The following SLC20A2 variants were observed in gnomAD, a reference collection of about 807,000 sequenced individuals.
SLC20A2 encodes sodium-dependent phosphate transporter 2.
SLC20A2 carries 30 observed loss-of-function variants against 61.0 expected under a neutral mutation model. The ratio of observed to expected loss-of-function variants is 0.49; its 90% CI spans 0.37 to 0.67. SLC20A2 has a LOEUF of 0.67. Among genes scored for constraint, SLC20A2 ranks in the 30% least tolerant of loss-of-function variants. SLC20A2 has a pLI of 0.00. For missense variants in SLC20A2, 626 were observed against 866.4 expected (o/e 0.72, Z 3.48); for synonymous variants, 351 against 353.3 (o/e 0.99, Z 0.07).
chr8:42,436,689 G>A (rs1804285733), intron 8 of SLC20A2, among the ~76,000 whole-genome samples: 1 of 152,206 alleles, frequency 6.6e-6, no homozygotes, highest in Admixed American at 6.5e-5. Flanking sequence ...CTGCCGTCCT[G>A]CTGACGCCAC....
intron 1 of SLC20A2, among the ~76,000 whole-genome samples, chr8:42,533,633 T>C (rs13259980): frequency 3.8e-4 from 57 of 149,314 alleles, no homozygotes; most frequent in Non-Finnish European, 7.0e-4. Context: ...TGCACATTAA[T>C]GGCCTTAATG....
intron 1 of SLC20A2, among the ~76,000 whole-genome samples, chr8:42,522,911 G>T (rs952505512): frequency 4.0e-5 from 6 of 148,676 alleles, no homozygotes; most frequent in Non-Finnish European, 5.9e-5. Context: ...TGGCGGGGTG[G>T]GGGGGGTCTC....
At chr8:42,439,764 C>T (rs1177374868) in intron 6 of SLC20A2, 111 bp from the exon 7 acceptor site, 2 of 728,012 alleles carry the variant, frequency 2.7e-6, no homozygotes, top group African/African-American at 1.9e-5. Flanking sequence ...ATTTTGGAAA[C>T]AAAAAAAAAA....
intron 1 of SLC20A2, among the ~76,000 whole-genome samples, chr8:42,497,832 ACT>A (rs1395041869): frequency 6.6e-6 from 1 of 151,328 alleles, no homozygotes; most frequent in Non-Finnish European, 1.5e-5. Flanking sequence ...GGACTCACAG[ACT>A]CACAGAACCA....
At chr8:42,468,335 TGGA>T (rs1244711400) in intron 2 of SLC20A2, among the ~76,000 whole-genome samples, 2 of 152,084 alleles carry the variant, frequency 1.3e-5, no homozygotes, top group East Asian at 1.9e-4. Flanking sequence ...AAATACATCC[TGGA>T]GGAGGAGAGT....
At chr8:42,449,266 C>T (rs1487275050) in intron 5 of SLC20A2, among the ~76,000 whole-genome samples, 1 of 152,102 alleles carries the variant, frequency 6.6e-6, no homozygotes, top group Admixed American at 6.5e-5. Flanking sequence ...GGAACCCGCG[C>T]AAGGAGCTCT....
At chr8:42,462,105 C>A (rs766942868) in intron 4 of SLC20A2, among the ~76,000 whole-genome samples, 1 of 151,952 alleles carries the variant, frequency 6.6e-6, no homozygotes, top group South Asian at 2.1e-4. Flanking sequence ...GAGCAGCTTC[C>A]TAGGAAGTGA....
chr8:42,541,618 C>G (rs1263945046), intron 1 of SLC20A2: 3 of 149,776 alleles, frequency 2.0e-5, no homozygotes, highest in African/African-American at 7.3e-5. Context: ...GCTCGGTAAC[C>G]GTTTCCCGCG....
At chr8:42,429,932 C>T in intron 9 of SLC20A2, 132 bp downstream of exon 9, 2 of 684,430 alleles carry the variant, frequency 2.9e-6, no homozygotes, top group East Asian at 6.0e-5. Flanking sequence ...CCATTCTTGC[C>T]CACTGTCTCC....
At chr8:42,442,586 G>A (rs1218436264) in intron 6 of SLC20A2, among the ~76,000 whole-genome samples, 1 of 152,140 alleles carries the variant, frequency 6.6e-6, no homozygotes, top group Non-Finnish European at 1.5e-5. Flanking sequence ...CTTCCACACT[G>A]CCTTGTGGCT....
chr8:42,473,495 C>T (rs1414098358), intron 1 of SLC20A2, among the ~76,000 whole-genome samples: 1 of 152,182 alleles, frequency 6.6e-6, no homozygotes, highest in Non-Finnish European at 1.5e-5. Context: ...TCTTCCCCCA[C>T]AGCTGCACAG....
chr8:42,482,178 T>C (rs2131276562), intron 1 of SLC20A2, among the ~76,000 whole-genome samples: 1 of 152,272 alleles, frequency 6.6e-6, no homozygotes, highest in East Asian at 1.9e-4. Context: ...CCTCAGGATA[T>C]GTAAGTGCCA....
chr8:42,476,255 C>A (rs1189522721), intron 1 of SLC20A2, among the ~76,000 whole-genome samples: 1 of 151,916 alleles, frequency 6.6e-6, no homozygotes, highest in African/African-American at 2.4e-5. Context: ...CCCGCCACCA[C>A]GCCCGGCTAT....
intron 10 of SLC20A2, among the ~76,000 whole-genome samples, chr8:42,425,137 A>G (rs1271861329): frequency 3.3e-5 from 5 of 151,956 alleles, no homozygotes; most frequent in Non-Finnish European, 7.4e-5. Context: ...TACATTAAAA[A>G]CCTCATTTTA....
intron 1 of SLC20A2, among the ~76,000 whole-genome samples, chr8:42,488,935 GTTTTTTTTTT>G (rs34643152): frequency 2.4e-5 from 2 of 83,524 alleles, no homozygotes; most frequent in African/African-American, 4.7e-5. Context: ...TAGGAGTTTT[GTTTTTTTTTT>G]TTTTTTTTTT....
chr8:42,433,516 G>A (rs1011093289), intron 8 of SLC20A2, among the ~76,000 whole-genome samples: 4 of 152,184 alleles, frequency 2.6e-5, no homozygotes, highest in Admixed American at 1.3e-4. Context: ...GTACAGATGG[G>A]GTTTCACTGT....
chr8:42,424,905 C>T (rs1585986409), intron 10 of SLC20A2, among the ~76,000 whole-genome samples: 1 of 152,088 alleles, frequency 6.6e-6, no homozygotes, highest in Non-Finnish European at 1.5e-5. Flanking sequence ...AATTAGCCAA[C>T]CATGGTGGTG....
At chr8:42,526,654 CAG>C (rs766270437) in intron 1 of SLC20A2, among the ~76,000 whole-genome samples, 50 of 133,546 alleles carry the variant, frequency 3.7e-4, no homozygotes, top group Non-Finnish European at 1.3e-4. Context: ...GCCTGGGCGA[CAG>C]AGAGAGACTC....
At chr8:42,519,309 T>A (rs1307987296) in intron 1 of SLC20A2, among the ~76,000 whole-genome samples, 1 of 152,130 alleles carries the variant, frequency 6.6e-6, no homozygotes, top group African/African-American at 2.4e-5. Flanking sequence ...CTGGGCATGG[T>A]GGCATGTGCC....
Sources: gnomAD v4.1 joint callset for allele counts (sites outside exome capture counted in the v4.1 genomes callset) on GRCh38, gnomAD v4.1.1 for gene constraint, MANE v1.5 for transcripts, NCBI Gene and HGNC (gene_info 2026-07-23, HGNC 2026-07-21) for gene names.